Variants in TMEM156 observed in about 807,000 individuals in gnomAD.
The protein encoded by TMEM156 is transmembrane protein 156.
Under a neutral mutation model 30.5 loss-of-function variants are expected in TMEM156, and 28 were observed. That is an observed-to-expected ratio of 0.92 (90% confidence interval 0.68 to 1.26). TMEM156 has a LOEUF of 1.26. Ranked by LOEUF, TMEM156 falls within the 50% of genes most tolerant of loss-of-function variation. The pLI is 0.00. For synonymous variants in TMEM156, 137 were observed against 119.9 expected (o/e 1.14, Z -0.93); for missense variants, 351 against 340.6 (o/e 1.03, Z -0.24).
In TMEM156 at chr4:38,993,913, C is replaced by G. The variant is rs1344477759; in HGVS notation, c.444G>C (p.Leu148=). 1 of 1,614,014 alleles carries G rather than the reference C, an allele frequency of 6.2e-7. No homozygotes were observed. Among genetic ancestry groups the G allele is most frequent in the East Asian group, 2.2e-5 (1 of 44,858 alleles). ...CQHFNFSVAP[L]VDHLEEYNTT... ...TGTTATATTCCTCCAAGTGGTCAACCAGAGGAGCTACACTGAAGTTAAAGT... is the reference window on the plus strand; with the variant it reads ...TGTTATATTCCTCCAAGTGGTCAACGAGAGGAGCTACACTGAAGTTAAAGT... The change falls in exon 3 of 7, where the codon CTG becomes CTC. Residue 148 remains leucine (L), a synonymous_variant. Coordinates refer to ENST00000381938, the MANE Select transcript of TMEM156 (RefSeq NM_024943.3).
intron 5 of TMEM156, among the ~76,000 whole-genome samples, chr4:38,985,648 A>G (rs1185519113): frequency 3.9e-5 from 6 of 152,182 alleles, no homozygotes; most frequent in Non-Finnish European, 8.8e-5. Context: ...GGCTGTGTAC[A>G]AGGAGCTTTG....
At chr4:38,996,263 A>G (rs1712921761) in intron 2 of TMEM156, among the ~76,000 whole-genome samples, 1 of 73,470 alleles carries the variant, frequency 1.4e-5, no homozygotes, top group Admixed American at 1.4e-4. Flanking sequence ...CATTACTAAG[A>G]AAAAAAAAAA....
chr4:38,998,808 C>T lies in TMEM156; in HGVS notation c.190G>A (p.Val64Ile), dbSNP rs761600988. Residue 64 changes from valine (V) to isoleucine (I), a missense_variant, in exon 2 of 7, where the codon GTA becomes ATA. Transcript: ENST00000381938. Reference protein sequence around the residue: ...NFSFVTFLQPVRETQIIMRIF... With the variant: ...NFSFVTFLQPIRETQIIMRIF... ...CTCATGATAATCTGAGTTTCCCTTA[C>T]TGGTTGCAGAAAAGTCACAAAAGAA... 21 of 1,613,718 alleles carry T rather than the reference C, an allele frequency of 1.3e-5. No homozygotes were observed. The highest frequency in any genetic ancestry group is 5.0e-5 in the Admixed American group (3 of 59,972).
intron 5 of TMEM156, among the ~76,000 whole-genome samples, chr4:38,982,960 C>A (rs1409861247): frequency 2.0e-5 from 3 of 152,170 alleles, no homozygotes; most frequent in South Asian, 2.1e-4. Flanking sequence ...CAGATATTAT[C>A]CCCTCTCCCT....
At chr4:38,977,988 T>G (rs904668089) in intron 5 of TMEM156, among the ~76,000 whole-genome samples, 2 of 152,222 alleles carry the variant, frequency 1.3e-5, no homozygotes, top group Non-Finnish European at 1.5e-5. Flanking sequence ...ACATCTGGTA[T>G]CTAACCTCAA....
At chr4:39,001,537 T>A (rs1298752465) in intron 1 of TMEM156, among the ~76,000 whole-genome samples, 3 of 126,666 alleles carry the variant, frequency 2.4e-5, no homozygotes, top group South Asian at 2.8e-4. Flanking sequence ...AAGAATTACT[T>A]CTTCTTTTTT....
intron 1 of TMEM156, among the ~76,000 whole-genome samples, chr4:39,003,973 C>T (rs1014288996): frequency 7.9e-5 from 12 of 152,000 alleles, no homozygotes; most frequent in African/African-American, 2.7e-4. Context: ...GGGGTAATTT[C>T]GTGATGACTT....
intron 2 of TMEM156, among the ~76,000 whole-genome samples, chr4:38,996,132 A>C (rs1005054560): frequency 2.6e-5 from 4 of 152,160 alleles, no homozygotes; most frequent in African/African-American, 9.7e-5. Flanking sequence ...TTTCATAGAC[A>C]TTTCTCCAAC....
chr4:39,030,811 A>C (rs928449620), intron 1 of TMEM156, among the ~76,000 whole-genome samples: 2 of 152,206 alleles, frequency 1.3e-5, no homozygotes, highest in African/African-American at 4.8e-5. Flanking sequence ...CTCAGCCCAC[A>C]ATATCTTAAA....
At chr4:39,025,865 A>G (rs960351251) in intron 1 of TMEM156, among the ~76,000 whole-genome samples, 5 of 152,240 alleles carry the variant, frequency 3.3e-5, no homozygotes, top group Non-Finnish European at 5.9e-5. Flanking sequence ...TAATCTTTCA[A>G]AAATATGAGG....
At chr4:39,024,070 G>C (rs763901047) in intron 1 of TMEM156, among the ~76,000 whole-genome samples, 1 of 152,084 alleles carries the variant, frequency 6.6e-6, no homozygotes, top group Non-Finnish European at 1.5e-5. Context: ...GAGTCTCGCT[G>C]TTCCGCCCAG....
At chr4:39,025,204 C>G (rs1220406434) in intron 1 of TMEM156, among the ~76,000 whole-genome samples, 1 of 151,746 alleles carries the variant, frequency 6.6e-6, no homozygotes, top group East Asian at 1.9e-4. Context: ...CAAAAATTAG[C>G]CAGGCGTGGT....
chr4:38,983,451 T>C (rs79331616), intron 5 of TMEM156, among the ~76,000 whole-genome samples: 5,289 of 152,280 alleles, frequency 0.035, 163 homozygotes, highest in Non-Finnish European at 0.057. Context: ...CAGTCTAGAG[T>C]ACAGTGGTGT....
At chr4:38,997,811 A>G (rs2109972625) in intron 2 of TMEM156, among the ~76,000 whole-genome samples, 1 of 152,304 alleles carries the variant, frequency 6.6e-6, no homozygotes, top group African/African-American at 2.4e-5. Context: ...CTGAGTGTCT[A>G]CTAGGTATTA....
intron 1 of TMEM156, among the ~76,000 whole-genome samples, chr4:39,031,527 G>C (rs574074456): frequency 1.3e-5 from 2 of 152,118 alleles, no homozygotes; most frequent in Admixed American, 1.3e-4. Context: ...GGGAATTCTA[G>C]CATTTTTAAC....
intron 5 of TMEM156, among the ~76,000 whole-genome samples, chr4:38,974,207 CTTTTTT>C (rs35330425): frequency 7.5e-6 from 1 of 134,118 alleles, no homozygotes; most frequent in Non-Finnish European, 1.6e-5. Flanking sequence ...TTCTTTCTCT[CTTTTTT>C]TTTTTTTTTT....
intron 1 of TMEM156, among the ~76,000 whole-genome samples, chr4:39,005,195 C>T (rs1713645512): frequency 6.6e-6 from 1 of 152,146 alleles, no homozygotes; most frequent in African/African-American, 2.4e-5. Flanking sequence ...AGGAGAAGGG[C>T]TCTTCTGTAA....
intron 3 of TMEM156, among the ~76,000 whole-genome samples, chr4:38,991,281 T>C (rs948393108): frequency 2.0e-5 from 3 of 150,806 alleles, no homozygotes; most frequent in African/African-American, 7.3e-5. Flanking sequence ...TGGAGTGCAG[T>C]GGCCTAATCA....
At chr4:39,021,051 A>G (rs1714832299) in intron 1 of TMEM156, among the ~76,000 whole-genome samples, 1 of 152,184 alleles carries the variant, frequency 6.6e-6, no homozygotes, top group South Asian at 2.1e-4. Flanking sequence ...TATTTCCCTG[A>G]TGATTAGCGA....
Sources: gnomAD v4.1 joint callset for allele counts (sites outside exome capture counted in the v4.1 genomes callset) on GRCh38, gnomAD v4.1.1 for gene constraint, MANE v1.5 for transcripts, NCBI Gene and HGNC (gene_info 2026-07-23, HGNC 2026-07-21) for gene names.